Variants in EPHA3 observed in about 807,000 individuals in gnomAD.
EPHA3 encodes the protein EPH receptor A3, also known as ephrin type-A receptor 3.
A neutral mutation model predicts 107.1 loss-of-function variants in EPHA3; 42 were observed. The observed-to-expected ratio is 0.39, with a 90% CI of 0.31 to 0.51. EPHA3 has a LOEUF of 0.51. EPHA3 is among the 20% of genes least tolerant of loss of function. The pLI is 0.78. For missense variants in EPHA3, 1,183 were observed against 1,211.2 expected (o/e 0.98, Z 0.35); for synonymous variants, 461 against 424.8 (o/e 1.09, Z -1.05).
chr3:89,186,282 C>T (rs759456224), intron 2 of EPHA3, among the ~76,000 whole-genome samples: 49 of 151,924 alleles, frequency 3.2e-4, no homozygotes, highest in Non-Finnish European at 6.5e-4. Flanking sequence ...CACCCTTTAC[C>T]TTGTCTTTGA....
rs563470503 is a variant in EPHA3 at position 89,473,910 on chromosome 3, A to G, written c.2846+1291A>G. On this transcript the variant is annotated intron_variant, in intron 16 of 16. Coordinates refer to ENST00000336596, the MANE Select transcript of EPHA3 (RefSeq NM_005233.6). Reference sequence around the variant, plus strand: ...CAGCATGTTGTCGCTTGCATGGTCTATTGGGAAACTGTTCATCTTTGTGTC... The same window carrying G: ...CAGCATGTTGTCGCTTGCATGGTCTGTTGGGAAACTGTTCATCTTTGTGTC... Among the ~76,000 whole-genome samples the G allele has an allele frequency of 1.9e-4, 29 of 152,258 alleles. No individual in the cohort carries two copies. The East Asian group carries it at 2.5e-3, about 13-fold the overall frequency.
chr3:89,237,181 C>A (rs1206195481), intron 3 of EPHA3, among the ~76,000 whole-genome samples: 1 of 152,116 alleles, frequency 6.6e-6, no homozygotes, highest in Non-Finnish European at 1.5e-5. Flanking sequence ...GGCCAACAGG[C>A]CAACAGGGCA....
chr3:89,182,973 C>A (rs1489758809), intron 2 of EPHA3, among the ~76,000 whole-genome samples: 2 of 151,844 alleles, frequency 1.3e-5, no homozygotes, highest in Non-Finnish European at 2.9e-5. Context: ...TTACACAAAG[C>A]AGACATTGAA....
At chr3:89,381,538 A>T (rs1708508623) in intron 5 of EPHA3, among the ~76,000 whole-genome samples, 1 of 151,884 alleles carries the variant, frequency 6.6e-6, no homozygotes, top group African/African-American at 2.4e-5. Context: ...GCATGGTGGC[A>T]CATGCCTGCA....
At chr3:89,266,451 T>C (rs569647472) in intron 3 of EPHA3, among the ~76,000 whole-genome samples, 6 of 152,320 alleles carry the variant, frequency 3.9e-5, no homozygotes, top group African/African-American at 1.4e-4. Context: ...CATTTTAGTG[T>C]GTCAGTGTTG....
chr3:89,209,889 T>A lies in EPHA3; in HGVS notation c.183T>A (p.His61Gln). ...AAGAGATCAGTGGTGTGGATGAACA[T>A]TACACACCCATCAGGACTTACCAGG... is the stretch of plus-strand genomic sequence containing the variant. ...GWEEISGVDE[H>Q]YTPIRTYQVC... The change falls in exon 3 of 17, where the codon CAT becomes CAA. Residue 61 changes from histidine to glutamine, a missense_variant. His to Gln is a conservative substitution (Grantham distance 24, BLOSUM62 0). Transcript: ENST00000336596. 1 of 1,610,610 alleles carries A rather than the reference T, an allele frequency of 6.2e-7. No homozygotes were observed. The highest frequency in any genetic ancestry group is 1.1e-5 in the South Asian group (1 of 90,566).
At chr3:89,219,710 G>GT (rs1559606421) in intron 3 of EPHA3, among the ~76,000 whole-genome samples, 2 of 25,926 alleles carry the variant, frequency 7.7e-5, no homozygotes, top group South Asian at 2.0e-3. Context: ...TTTGTTTTTT[G>GT]TTTTTTTTTT....
At chr3:89,399,998 A>G (rs756209073) in intron 7 of EPHA3, 171 of 1,041,764 alleles carry the variant, frequency 1.6e-4, no homozygotes, top group Non-Finnish European at 1.9e-4. Context: ...TTTAACCCCA[A>G]ATTTGGCTAA....
At chr3:89,121,877 G>C (rs1175338541) in intron 1 of EPHA3, among the ~76,000 whole-genome samples, 2 of 152,022 alleles carry the variant, frequency 1.3e-5, no homozygotes, top group Non-Finnish European at 2.9e-5. Context: ...CAATATATAA[G>C]TACATCAAAA....
At chr3:89,246,171 T>G (rs1576261674) in intron 3 of EPHA3, among the ~76,000 whole-genome samples, 1 of 152,168 alleles carries the variant, frequency 6.6e-6, no homozygotes, top group East Asian at 1.9e-4. Context: ...ACCTTCTGCA[T>G]TTTAGATTAT....
intron 5 of EPHA3, among the ~76,000 whole-genome samples, chr3:89,342,858 T>TACACACACAC (rs144807058): frequency 8.3e-4 from 116 of 139,306 alleles, no homozygotes; most frequent in African/African-American, 2.5e-3. Flanking sequence ...TTTTTACACA[T>TACACACACAC]ACACACACAC....
At chr3:89,326,304 C>T (rs1443199059) in intron 3 of EPHA3, among the ~76,000 whole-genome samples, 3 of 152,044 alleles carry the variant, frequency 2.0e-5, no homozygotes, top group Non-Finnish European at 4.4e-5. Context: ...ATACCTAATA[C>T]AATGTAAATG....
At chr3:89,313,115 T>C (rs1054283531) in intron 3 of EPHA3, among the ~76,000 whole-genome samples, 1 of 152,050 alleles carries the variant, frequency 6.6e-6, no homozygotes, top group Admixed American at 6.6e-5. Context: ...ATTATTATTT[T>C]CCTTGAATCC....
At chr3:89,128,645 A>G (rs1456219567) in intron 2 of EPHA3, among the ~76,000 whole-genome samples, 2 of 150,872 alleles carry the variant, frequency 1.3e-5, no homozygotes, top group Non-Finnish European at 3.0e-5. Context: ...ATATTAGTAT[A>G]TGGTATACTG....
intron 3 of EPHA3, among the ~76,000 whole-genome samples, chr3:89,289,280 T>C (rs1352379122): frequency 1.3e-5 from 2 of 152,178 alleles, no homozygotes; most frequent in Non-Finnish European, 2.9e-5. Context: ...GGCTTGGTTC[T>C]GCCTTTTACT....
chr3:89,272,982 A>G (rs998781436), intron 3 of EPHA3, among the ~76,000 whole-genome samples: 4 of 151,934 alleles, frequency 2.6e-5, no homozygotes, highest in Non-Finnish European at 5.9e-5. Context: ...ATTATAATCT[A>G]CTTACATTGG....
At chr3:89,303,589 C>A (rs901680925) in intron 3 of EPHA3, among the ~76,000 whole-genome samples, 1 of 151,764 alleles carries the variant, frequency 6.6e-6, no homozygotes, top group Non-Finnish European at 1.5e-5. Flanking sequence ...TCAAAAAGAT[C>A]GATTTCTTAT....
chr3:89,126,206 C>T (rs552935699), intron 1 of EPHA3, among the ~76,000 whole-genome samples: 109 of 151,772 alleles, frequency 7.2e-4, no homozygotes, highest in Admixed American at 5.9e-4. Context: ...GTTAATAATG[C>T]ATGCTTAGTT....
intron 7 of EPHA3, chr3:89,399,984 T>G: frequency 9.6e-7 from 1 of 1,044,414 alleles, no homozygotes; most frequent in African/African-American, 1.7e-5. Flanking sequence ...GAATAGCCTG[T>G]TCCTTTAACC....
Sources: gnomAD v4.1 joint callset for allele counts (sites outside exome capture counted in the v4.1 genomes callset) on GRCh38, gnomAD v4.1.1 for gene constraint, MANE v1.5 for transcripts, NCBI Gene and HGNC (gene_info 2026-07-23, HGNC 2026-07-21) for gene names.